The following KAT6B variants were observed in gnomAD, a reference collection of about 807,000 sequenced individuals.
The protein encoded by KAT6B is histone acetyltransferase KAT6B.
KAT6B carries 10 observed loss-of-function variants against 187.5 expected under a neutral mutation model. The observed-to-expected ratio is 0.05, with a 90% CI of 0.03 to 0.09. KAT6B has a LOEUF of 0.09. KAT6B is among the 10% of genes least tolerant of loss of function. KAT6B has a pLI of 1.00. For missense variants in KAT6B, 1,952 were observed against 2,558.9 expected (o/e 0.76, Z 5.12); for synonymous variants, 861 against 926.8 (o/e 0.93, Z 1.29).
intron 4 of KAT6B, 46 bp downstream of exon 4, chr10:74,960,124 C>A: frequency 8.9e-7 from 1 of 1,129,468 alleles, no homozygotes; most frequent in Non-Finnish European, 1.4e-6. Flanking sequence ...TTCCCATTAT[C>A]ATAGCTTCAT....
chr10:74,980,100 A>AGT (rs1842414369), intron 10 of KAT6B, among the ~76,000 whole-genome samples: 1 of 152,242 alleles, frequency 6.6e-6, no homozygotes, highest in Non-Finnish European at 1.5e-5. Context: ...TGGAGGTTGC[A>AGT]GTAAGCCGAG....
intron 1 of KAT6B, among the ~76,000 whole-genome samples, chr10:74,831,503 A>G (rs951493862): frequency 6.6e-6 from 1 of 152,174 alleles, no homozygotes; most frequent in African/African-American, 2.4e-5. Flanking sequence ...CAGCCTCACC[A>G]TTACAATCTA....
At chr10:74,916,557 G>A (rs970302818) in intron 3 of KAT6B, among the ~76,000 whole-genome samples, 4 of 152,132 alleles carry the variant, frequency 2.6e-5, no homozygotes, top group Admixed American at 1.3e-4. Context: ...CCCAGAGAAT[G>A]CTTATGGTGG....
At chr10:75,023,328 T>G (rs1845579941) in intron 16 of KAT6B, 1 of 152,278 alleles carries the variant, frequency 6.6e-6, no homozygotes, top group South Asian at 2.1e-4. Flanking sequence ...CTCAGCGCTC[T>G]TCTAGGCCTG....
intron 7 of KAT6B, among the ~76,000 whole-genome samples, chr10:74,974,862 G>C (rs919491580): frequency 6.6e-6 from 1 of 152,148 alleles, no homozygotes; most frequent in Non-Finnish European, 1.5e-5. Context: ...CTGAGAGGAA[G>C]AGGATGTCTT....
chr10:74,856,478 T>G (rs1015922638), intron 3 of KAT6B, among the ~76,000 whole-genome samples: 1 of 152,180 alleles, frequency 6.6e-6, no homozygotes, highest in African/African-American at 2.4e-5. Context: ...TTTCCCTCCT[T>G]TTTGCTTCTG....
At chr10:74,928,203 A>G (rs895172205) in intron 3 of KAT6B, among the ~76,000 whole-genome samples, 49 of 152,162 alleles carry the variant, frequency 3.2e-4, no homozygotes, top group African/African-American at 1.1e-3. Context: ...CCATTGTTTG[A>G]CTGTGCCAGA....
chr10:74,997,852 C>T (rs1843542263), intron 13 of KAT6B, among the ~76,000 whole-genome samples: 3 of 152,020 alleles, frequency 2.0e-5, no homozygotes, highest in Admixed American at 2.0e-4. Context: ...TGGCTCACGC[C>T]TGTAATCCCA....
At chr10:74,887,559 A>C (rs184505479) in intron 3 of KAT6B, among the ~76,000 whole-genome samples, 1,603 of 152,062 alleles carry the variant, frequency 0.011, 36 homozygotes, top group African/African-American at 0.036. Flanking sequence ...TCCTGACCTC[A>C]GGTGATCCAC....
chr10:74,874,678 G>A lies in KAT6B; in HGVS notation c.621+31200G>A, dbSNP rs576628619. ...TTATAAGCGTGAGCCACCATGCCCA[G>A]CCTTTCTTAGTTGATTTCATAGTCA... On this transcript the variant is annotated intron_variant, in intron 3 of 17. Coordinates refer to ENST00000287239, the MANE Select transcript of KAT6B (RefSeq NM_012330.4). Among the ~76,000 whole-genome samples, 4 of 152,230 alleles carry A rather than the reference G, an allele frequency of 2.6e-5. No individual in the cohort carries two copies. The East Asian group carries it at 7.7e-4, about 29-fold the overall frequency.
chr10:75,021,952 C>G lies in KAT6B; in HGVS notation c.3093C>G (p.Asn1031Lys), dbSNP rs752956660. Residue 1031 changes from asparagine to lysine, a missense_variant, in exon 16 of 18, where the codon AAC becomes AAG. Physicochemically the swap from Asn to Lys is moderately conservative, Grantham distance 94. Coordinates refer to ENST00000287239, the MANE Select transcript of KAT6B (RefSeq NM_012330.4). Reference protein sequence around the residue: ...EEQEILSTRANSRQSPAKVQS... With the variant: ...EEQEILSTRAKSRQSPAKVQS... ...AAGAAATCCTGTCAACTAGAGCTAA[C>G]AGTAGGCAATCACCTGCAAAAGTAC... 4.3e-6 allele frequency: 7 copies of G among 1,614,086 alleles called. No individual in the cohort carries two copies. The East Asian group carries it at 1.3e-4, about 31-fold the overall frequency.
Position 74,960,077 on chromosome 10 carries a change from T to C in KAT6B, c.729T>C (p.Ser243=). 1 of 1,581,268 alleles carries C rather than the reference T, an allele frequency of 6.3e-7. No homozygotes were observed. The highest frequency in any genetic ancestry group is 8.7e-7 in the Non-Finnish European group (1 of 1,150,182). ...ELLSCADCGS[S]GHPSCLKFCP... The stretch of plus-strand genomic sequence containing the variant: ...TCTCTTGTGCAGATTGTGGCAGTAG[T>C]GGTAAGTTGTGTTTTTCCTATGTGT... Residue 243 remains serine, a splice_region_variant and synonymous_variant, in exon 4 of 18, where the codon AGT becomes AGC. Transcript: ENST00000287239.
chr10:74,946,879 C>CTTAG (rs1282955134), intron 3 of KAT6B, among the ~76,000 whole-genome samples: 1 of 152,090 alleles, frequency 6.6e-6, no homozygotes, highest in African/African-American at 2.4e-5. Flanking sequence ...TATGGCTCAA[C>CTTAG]TTAGTTGTAC....
chr10:74,935,282 T>C (rs75942919), intron 3 of KAT6B, among the ~76,000 whole-genome samples: 18 of 302 alleles, frequency 0.06, no homozygotes, highest in African/African-American at 0.38. Context: ...TACACACACA[T>C]ATATATATAT....
At chr10:74,833,247 T>C (rs976188643) in intron 1 of KAT6B, among the ~76,000 whole-genome samples, 9 of 152,058 alleles carry the variant, frequency 5.9e-5, no homozygotes, top group African/African-American at 2.2e-4. Context: ...AAATCTAGGA[T>C]TGAATAGGAA....
chr10:74,965,901 A>ATT (rs559294300), intron 4 of KAT6B, among the ~76,000 whole-genome samples: 1 of 137,236 alleles, frequency 7.3e-6, no homozygotes, highest in Non-Finnish European at 1.6e-5. Flanking sequence ...AATTTTCTGT[A>ATT]TTTTTTTTTT....
chr10:74,893,114 T>C (rs1438370704), intron 3 of KAT6B, among the ~76,000 whole-genome samples: 3 of 152,206 alleles, frequency 2.0e-5, no homozygotes, highest in African/African-American at 4.8e-5. Context: ...GACTGAGAGC[T>C]GAGTCAAAGG....
intron 11 of KAT6B, chr10:74,982,140 A>AT (rs1176580754): frequency 1.1e-5 from 6 of 531,470 alleles, no homozygotes; most frequent in Non-Finnish European, 1.4e-5. Flanking sequence ...ACTTCATCAC[A>AT]TTAACATTTT....
intron 3 of KAT6B, among the ~76,000 whole-genome samples, chr10:74,948,697 C>T (rs1032184564): frequency 2.6e-5 from 4 of 152,236 alleles, no homozygotes; most frequent in African/African-American, 7.2e-5. Flanking sequence ...TGATACACAG[C>T]TCTACTAAGT....
Sources: allele counts gnomAD v4.1 joint callset (sites outside exome capture counted in the v4.1 genomes callset), GRCh38; gene constraint gnomAD v4.1.1; transcripts MANE v1.5; gene names NCBI Gene and HGNC (gene_info 2026-07-23, HGNC 2026-07-21).